The following TMEM132D variants were observed in gnomAD, a reference collection of about 807,000 sequenced individuals.
The protein encoded by TMEM132D is transmembrane protein 132D.
In TMEM132D, 21 loss-of-function variants were observed where a neutral mutation model predicts 62.3. The ratio of observed to expected loss-of-function variants is 0.34; its 90% confidence interval spans 0.24 to 0.49. The LOEUF (loss-of-function observed/expected upper bound fraction) is 0.49, where lower values mean the gene tolerates loss of function less well. Among genes scored for constraint, TMEM132D ranks in the 20% least tolerant of loss-of-function variants. The pLI is 0.99. For missense variants in TMEM132D, 1,346 were observed against 1,402.8 expected (o/e 0.96, Z 0.65); for synonymous variants, 621 against 575.6 (o/e 1.08, Z -1.13).
chr12:129,842,166 T>G (rs1277574993), intron 1 of TMEM132D, among the ~76,000 whole-genome samples: 1 of 145,746 alleles, frequency 6.9e-6, no homozygotes, highest in Admixed American at 6.9e-5. Flanking sequence ...GCCAGGATGG[T>G]CTCGATCTCC....
chr12:129,565,967 C>A (rs1359147974), intron 2 of TMEM132D, among the ~76,000 whole-genome samples: 1 of 152,174 alleles, frequency 6.6e-6, no homozygotes, highest in African/African-American at 2.4e-5. Flanking sequence ...TATTTGTCCT[C>A]AAATGCACGT....
rs187829347 is a variant in TMEM132D at position 129,768,752 on chromosome 12, A to G, written c.80-68054T>C. Among the ~76,000 whole-genome samples the G allele has an allele frequency of 6.1e-3, 934 of 152,256 alleles. 1 individual carries two copies. Among genetic ancestry groups the G allele is most frequent in the Non-Finnish European group, 0.01 (690 of 68,008 alleles). The stretch of plus-strand genomic sequence containing the variant: ...GATGCTGGCAACAGCCTCCCTCCAG[A>G]CTTCTTGTTAAGTTAGAAAAATGCA... On this transcript the variant is annotated intron_variant, in intron 1 of 8. Coordinates refer to ENST00000422113, the MANE Select transcript of TMEM132D (RefSeq NM_133448.3).
At chr12:129,724,602 A>G (rs1868962017) in intron 1 of TMEM132D, among the ~76,000 whole-genome samples, 1 of 152,042 alleles carries the variant, frequency 6.6e-6, no homozygotes, top group Admixed American at 6.6e-5. Context: ...GGCTCACCGC[A>G]ACCCCCGCCT....
intron 1 of TMEM132D, among the ~76,000 whole-genome samples, chr12:129,728,787 G>A (rs1371833774): frequency 6.6e-6 from 1 of 152,222 alleles, no homozygotes; most frequent in East Asian, 1.9e-4. Context: ...CATCCCAAGA[G>A]GAAACAGACA....
intron 3 of TMEM132D, among the ~76,000 whole-genome samples, chr12:129,406,688 G>C (rs1233733677): frequency 6.6e-6 from 1 of 152,068 alleles, no homozygotes; most frequent in African/African-American, 2.4e-5. Flanking sequence ...CAAGCACACG[G>C]ACTTTCACTA....
At chr12:129,195,061 CAAA>C (rs1878510481) in intron 5 of TMEM132D, among the ~76,000 whole-genome samples, 1 of 152,028 alleles carries the variant, frequency 6.6e-6, no homozygotes, top group Admixed American at 6.6e-5. Flanking sequence ...AGATAACAAG[CAAA>C]AAATATAGGA....
chr12:129,576,920 T>C (rs191455202), intron 2 of TMEM132D, among the ~76,000 whole-genome samples: 3 of 152,008 alleles, frequency 2.0e-5, no homozygotes, highest in Admixed American at 6.5e-5. Flanking sequence ...TGTACGTTTG[T>C]GTCGTTTGTT....
intron 4 of TMEM132D, among the ~76,000 whole-genome samples, chr12:129,310,901 C>T (rs778069730): frequency 2.0e-5 from 3 of 152,102 alleles, no homozygotes; most frequent in African/African-American, 7.2e-5. Context: ...ATTGAACATG[C>T]GAGGAACTGG....
chr12:129,723,533 C>G lies in TMEM132D; in HGVS notation c.80-22835G>C, dbSNP rs529696355. 3.9e-5 allele frequency among the ~76,000 whole-genome samples: 6 copies of G among 152,318 alleles called. No homozygotes were observed. The South Asian group carries it at 1.2e-3, about 32-fold the overall frequency. ...CAAAGAGGTCGGATATTTCTCTCCCCTCCTGAGGTTTTGGCCACCATTGCA... is the reference window on the plus strand; with the variant it reads ...CAAAGAGGTCGGATATTTCTCTCCCGTCCTGAGGTTTTGGCCACCATTGCA... On this transcript the variant is annotated intron_variant, in intron 1 of 8. Transcript: ENST00000422113.
At chr12:129,568,919 T>C (rs1413284360) in intron 2 of TMEM132D, among the ~76,000 whole-genome samples, 1 of 152,162 alleles carries the variant, frequency 6.6e-6, no homozygotes, top group East Asian at 1.9e-4. Flanking sequence ...TCTCAAACCC[T>C]GGCATCCATA....
At chr12:129,239,007 TTTTTTG>T (rs1306907432) in intron 4 of TMEM132D, among the ~76,000 whole-genome samples, 1 of 151,616 alleles carries the variant, frequency 6.6e-6, no homozygotes. Flanking sequence ...TTTTTTTTTT[TTTTTTG>T]GACAGTAACT....
chr12:129,084,280 T>C (rs1477627960), intron 6 of TMEM132D, among the ~76,000 whole-genome samples: 1 of 152,080 alleles, frequency 6.6e-6, no homozygotes, highest in Non-Finnish European at 1.5e-5. Context: ...AGGAGGCACT[T>C]TCTGCTGGAG....
chr12:129,814,329 G>A (rs186326266), intron 1 of TMEM132D, among the ~76,000 whole-genome samples: 127 of 152,198 alleles, frequency 8.3e-4, no homozygotes, highest in Non-Finnish European at 1.4e-3. Context: ...AAAAACTAAC[G>A]CCAGGTGCGG....
At chr12:129,663,197 G>A (rs1374348929) in intron 2 of TMEM132D, among the ~76,000 whole-genome samples, 1 of 152,106 alleles carries the variant, frequency 6.6e-6, no homozygotes, top group African/African-American at 2.4e-5. Context: ...GAGTGCAATG[G>A]CACGATCTTG....
At chr12:129,310,347 C>T (rs998534977) in intron 4 of TMEM132D, among the ~76,000 whole-genome samples, 13 of 152,200 alleles carry the variant, frequency 8.5e-5, no homozygotes, top group African/African-American at 3.1e-4. Context: ...GAACCACAGA[C>T]ATGCTTCAGT....
intron 5 of TMEM132D, among the ~76,000 whole-genome samples, chr12:129,108,958 A>C (rs1210282199): frequency 6.6e-6 from 1 of 152,166 alleles, no homozygotes; most frequent in African/African-American, 2.4e-5. Context: ...GAAGTTGCAA[A>C]CATCTGTTTA....
chr12:129,615,826 AAAATAAAATAAAATAAAAT>A (rs1878900978), intron 2 of TMEM132D, among the ~76,000 whole-genome samples: 1 of 151,234 alleles, frequency 6.6e-6, no homozygotes, highest in African/African-American at 2.4e-5. Context: ...AAAATAAAAT[AAAATAAAATAAAATAAAAT>A]AAGATAGCTG....
chr12:129,387,742 T>C (rs576361168), intron 3 of TMEM132D, among the ~76,000 whole-genome samples: 5 of 151,738 alleles, frequency 3.3e-5, no homozygotes, highest in Non-Finnish European at 5.9e-5. Context: ...AATCCTAATA[T>C]AAACACTAAT....
intron 5 of TMEM132D, among the ~76,000 whole-genome samples, chr12:129,150,764 C>T (rs1877048501): frequency 1.3e-5 from 2 of 152,248 alleles, no homozygotes; most frequent in Non-Finnish European, 2.9e-5. Flanking sequence ...TCACTTCTTT[C>T]GTTCAGTGTC....
Sources: allele counts gnomAD v4.1 joint callset (sites outside exome capture counted in the v4.1 genomes callset), GRCh38; gene constraint gnomAD v4.1.1; transcripts MANE v1.5; gene names NCBI Gene and HGNC (gene_info 2026-07-23, HGNC 2026-07-21).